Variants in KCNK5 observed in about 807,000 individuals in gnomAD.
The protein encoded by KCNK5 is potassium channel subfamily K member 5.
KCNK5 carries 18 observed loss-of-function variants against 32.9 expected under a neutral mutation model. The observed-to-expected ratio is 0.55, with a 90% CI of 0.38 to 0.81. The LOEUF (loss-of-function observed/expected upper bound fraction) is 0.81. Ranked by LOEUF, KCNK5 falls within the 30% of genes least tolerant of loss-of-function variation. The pLI, the probability that KCNK5 is intolerant of heterozygous loss-of-function variation, is 0.00. For missense variants in KCNK5, 507 were observed against 651.0 expected (o/e 0.78, Z 2.41); for synonymous variants, 276 against 275.3 (o/e 1.00, Z -0.03).
At chr6:39,225,375 C>T (rs1428289988) in intron 1 of KCNK5, among the ~76,000 whole-genome samples, 1 of 152,278 alleles carries the variant, frequency 6.6e-6, no homozygotes, top group African/African-American at 2.4e-5. Context: ...ATGAGGTGGC[C>T]TGCAAGATTA....
At chr6:39,203,090 A>G (rs932818283) in intron 1 of KCNK5, among the ~76,000 whole-genome samples, 1 of 152,148 alleles carries the variant, frequency 6.6e-6, no homozygotes, top group African/African-American at 2.4e-5. Context: ...CTCACCCCCA[A>G]AGCTGAAGCA....
chr6:39,193,318 C>T (rs888808596), intron 4 of KCNK5, among the ~76,000 whole-genome samples: 2 of 152,204 alleles, frequency 1.3e-5, no homozygotes. Context: ...GTGTTTGTGC[C>T]TCTCTTTCCT....
Position 39,219,849 on chromosome 6 carries a change from G to A in KCNK5, c.186+9077C>T, listed in dbSNP as rs188110063. Among the ~76,000 whole-genome samples, 41 of 152,346 alleles carry A rather than the reference G, an allele frequency of 2.7e-4. 1 individual carries two copies. The highest frequency in any genetic ancestry group is 2.0e-3 in the Admixed American group (31 of 15,306). On this transcript the variant is annotated intron_variant, in intron 1 of 4. Transcript: ENST00000359534. ...CACAGGCCCAGGGCTGGGAAGACAT[G>A]GCCACTGCCCACGAAGGTTGCAAAT...
chr6:39,224,841 C>G (rs193057390), intron 1 of KCNK5, among the ~76,000 whole-genome samples: 1 of 152,242 alleles, frequency 6.6e-6, no homozygotes, highest in East Asian at 1.9e-4. Flanking sequence ...AAGGGCCACT[C>G]TCCATCTTCT....
chr6:39,210,042 C>T (rs1424715302), intron 1 of KCNK5, among the ~76,000 whole-genome samples: 2 of 152,144 alleles, frequency 1.3e-5, no homozygotes, highest in African/African-American at 2.4e-5. Context: ...TGTATGTGGC[C>T]GGGAGGATAT....
rs1422142332 is a variant in KCNK5 at position 39,194,370 on chromosome 6, A to T, written c.466-33T>A. 6.4e-7 allele frequency: 1 copy of T among 1,569,642 alleles called. No homozygotes were observed. The highest frequency in any genetic ancestry group is 8.6e-7 in the Non-Finnish European group (1 of 1,157,280). On this transcript the variant is annotated intron_variant, in intron 3 of 4. Coordinates refer to ENST00000359534, the MANE Select transcript of KCNK5 (RefSeq NM_003740.4). The surrounding 1 kb of genome is among the most constrained non-coding windows in gnomAD (Gnocchi z 4.7). ...GGAGCAGGAGGCCAAGTCAGAGAAT[A>T]GTGGAGACTTGGAAACCCAGCAAAG...
chr6:39,224,934 T>G (rs1053611067), intron 1 of KCNK5, among the ~76,000 whole-genome samples: 1 of 152,014 alleles, frequency 6.6e-6, no homozygotes, highest in Non-Finnish European at 1.5e-5. Context: ...AGACAAGCTC[T>G]TGCTCTGTTG....
At chr6:39,193,468 TG>T (rs1327927336) in intron 4 of KCNK5, among the ~76,000 whole-genome samples, 8 of 152,100 alleles carry the variant, frequency 5.3e-5, no homozygotes, top group African/African-American at 1.9e-4. Context: ...GTCACTGGGG[TG>T]GTGGGTCAAC....
At position 39,191,288 on chromosome 6, in the gene KCNK5, C is replaced by A; in HGVS notation, c.1102G>T (p.Val368Leu). 2 of 1,614,078 alleles carry A rather than the reference C, an allele frequency of 1.2e-6. No homozygotes were observed. The highest frequency in any genetic ancestry group is 1.7e-6 in the Non-Finnish European group (2 of 1,180,026). Reference protein sequence around the residue: ...VSQTLRSKGHVSRSPDEEAVA... With the variant: ...VSQTLRSKGHLSRSPDEEAVA... Reference sequence around the variant, plus strand: ...GCCTCCTCATCTGGGGACCTTGATACGTGGCCTTTGCTCCTCAGTGTCTGT... The same window carrying A: ...GCCTCCTCATCTGGGGACCTTGATAAGTGGCCTTTGCTCCTCAGTGTCTGT... Residue 368 changes from valine (V) to leucine (L), a missense_variant, in exon 5 of 5, where the codon GTA becomes TTA. Around this residue, in one of 6 missense-constraint regions of KCNK5, gnomAD observed 252 missense variants for 250.8 expected, o/e 1.00. Transcript: ENST00000359534. The surrounding 1 kb of genome is among the most constrained non-coding windows in gnomAD (Gnocchi z 5.8).
chr6:39,217,356 A>T (rs577521721), intron 1 of KCNK5, among the ~76,000 whole-genome samples: 1 of 152,096 alleles, frequency 6.6e-6, no homozygotes, highest in East Asian at 1.9e-4. Context: ...AAAGGAGGAG[A>T]TGCTGGCGGG....
chr6:39,194,075 C>T lies in KCNK5; in HGVS notation c.634+94G>A. 2.2e-6 allele frequency: 3 copies of T among 1,367,202 alleles called. No individual in the cohort carries two copies. Among genetic ancestry groups the T allele is most frequent in the African/African-American group, 1.4e-5 (1 of 70,178 alleles). 84.7% of individuals were successfully genotyped at this position (1,367,202 alleles called of 1,614,324 possible). On this transcript the variant is annotated intron_variant, in intron 4 of 4. Transcript: ENST00000359534. The surrounding 1 kb of genome is among the most constrained non-coding windows in gnomAD (Gnocchi z 4.7). ...CACTGGGTAAGAGAAGTGCCCAGAA[C>T]ATGGAACCCTACCTAGGGCACCCCC...
chr6:39,202,580 G>A lies in KCNK5; in HGVS notation c.187-6593C>T, dbSNP rs1771148505. Among the ~76,000 whole-genome samples, 3 of 152,320 alleles carry A rather than the reference G, an allele frequency of 2.0e-5. No individual in the cohort carries two copies. In the South Asian group the frequency reaches 6.2e-4, roughly 32 times the overall value. On this transcript the variant is annotated intron_variant, in intron 1 of 4. Coordinates refer to ENST00000359534, the MANE Select transcript of KCNK5 (RefSeq NM_003740.4). ...TCAGGTGACTGGGACTGTCCTTCCT[G>A]CAGGGAGGCCTGTCCCCTTGGGAAA...
chr6:39,229,393 G>A lies in KCNK5; in HGVS notation c.-282C>T. The A allele has an allele frequency of 2.0e-6, 1 of 491,306 alleles. No homozygotes were observed. Among genetic ancestry groups the A allele is most frequent in the Non-Finnish European group, 3.7e-6 (1 of 268,974 alleles). The allele number at this position is 491,306 out of a possible 1,614,324, so 30.4% of individuals were successfully genotyped here. On this transcript the variant is annotated 5_prime_UTR_variant, in exon 1 of 5. Coordinates refer to ENST00000359534, the MANE Select transcript of KCNK5 (RefSeq NM_003740.4). Reference sequence around the variant, plus strand: ...CTGGACCGCGGATGCGTAAGGAGCGGGAAGAACACAGGACTTGACTCTGGG... The same window carrying A: ...CTGGACCGCGGATGCGTAAGGAGCGAGAAGAACACAGGACTTGACTCTGGG...
chr6:39,219,784 C>A (rs866724764), intron 1 of KCNK5, among the ~76,000 whole-genome samples: 43 of 152,204 alleles, frequency 2.8e-4, no homozygotes, highest in African/African-American at 8.9e-4. Context: ...AGACTGAAAT[C>A]CACACACTCA....
chr6:39,189,763 C>A lies in KCNK5; in HGVS notation c.*1127G>T, dbSNP rs1460810271. On this transcript the variant is annotated 3_prime_UTR_variant, in exon 5 of 5. Transcript: ENST00000359534. ...ACGAGTGCACAGGTGTGCGTGTGCACACACGCACTGTGCACACACACGTGC... is the reference window on the plus strand; with the variant it reads ...ACGAGTGCACAGGTGTGCGTGTGCAAACACGCACTGTGCACACACACGTGC... 1.3e-5 allele frequency: 2 copies of A among 152,794 alleles called. No homozygotes were observed. The highest frequency in any genetic ancestry group is 2.1e-4 in the South Asian group (1 of 4,830). 9.5% of individuals were successfully genotyped at this position (152,794 alleles called of 1,614,324 possible).
chr6:39,221,360 G>A (rs1419212223), intron 1 of KCNK5, among the ~76,000 whole-genome samples: 5 of 152,162 alleles, frequency 3.3e-5, no homozygotes, highest in Non-Finnish European at 7.4e-5. Context: ...GGACAAGACC[G>A]AAGCTTCCAA....
intron 1 of KCNK5, among the ~76,000 whole-genome samples, chr6:39,208,315 C>T (rs527836115): frequency 6.6e-5 from 10 of 152,272 alleles, no homozygotes; most frequent in African/African-American, 2.2e-4. Flanking sequence ...AAGTAAGCTC[C>T]CTGCCTGCTT....
At chr6:39,199,568 C>A (rs1771094312) in intron 1 of KCNK5, among the ~76,000 whole-genome samples, 1 of 152,202 alleles carries the variant, frequency 6.6e-6, no homozygotes, top group African/African-American at 2.4e-5. Flanking sequence ...CCAGTGGTGG[C>A]AATTACACCC....
At chr6:39,213,620 G>A (rs1367997637) in intron 1 of KCNK5, among the ~76,000 whole-genome samples, 1 of 152,222 alleles carries the variant, frequency 6.6e-6, no homozygotes, top group East Asian at 1.9e-4. Flanking sequence ...GAGCAGTGGG[G>A]AAGAGGGGTG....
Sources: gnomAD v4.1 joint callset for allele counts (sites outside exome capture counted in the v4.1 genomes callset) on GRCh38, gnomAD v4.1.1 for gene constraint, gnomAD v4.1.1 regional missense constraint, Gnocchi (gnomAD v3.1) non-coding constraint, MANE v1.5 for transcripts, NCBI Gene and HGNC (gene_info 2026-07-23, HGNC 2026-07-21) for gene names.